RBFOX1: variants seen among roughly 807,000 people sequenced by gnomAD.
The protein encoded by RBFOX1 is RNA binding fox-1 homolog 1.
RBFOX1 carries 8 observed loss-of-function variants against 57.7 expected under a neutral mutation model. The observed-to-expected ratio is 0.14, with a 90% CI of 0.08 to 0.25. The LOEUF is 0.25. Among genes scored for constraint, RBFOX1 ranks in the 10% least tolerant of loss-of-function variants. The pLI, the probability that RBFOX1 is intolerant of heterozygous loss-of-function variation, is 1.00. For missense variants in RBFOX1, 611 were observed against 548.5 expected (o/e 1.11, Z -1.14); for synonymous variants, 326 against 222.4 (o/e 1.47, Z -4.15).
At chr16:7,312,718 G>A (rs762749464) in intron 4 of RBFOX1, among the ~76,000 whole-genome samples, 4 of 152,172 alleles carry the variant, frequency 2.6e-5, no homozygotes, top group Admixed American at 6.5e-5. Context: ...TGTCAGTAGC[G>A]AAGTTATTTA....
chr16:5,774,686 A>G (rs1369283488), intron 3 of RBFOX1, among the ~76,000 whole-genome samples: 5 of 151,958 alleles, frequency 3.3e-5, no homozygotes, highest in Non-Finnish European at 5.9e-5. Flanking sequence ...AGGATTTTTT[A>G]TTGGTTTAGT....
intron 4 of RBFOX1, among the ~76,000 whole-genome samples, chr16:7,313,000 G>A (rs917997552): frequency 2.0e-5 from 3 of 152,088 alleles, no homozygotes; most frequent in Non-Finnish European, 4.4e-5. Context: ...GCTGACACGT[G>A]CATTTTCATG....
chr16:5,910,725 C>T (rs751866674), intron 4 of RBFOX1, among the ~76,000 whole-genome samples: 8 of 152,164 alleles, frequency 5.3e-5, no homozygotes, highest in Admixed American at 1.3e-4. Context: ...GCCCATCAAC[C>T]GAACTTCAAG....
chr16:5,247,270 A>T (rs1295724780), intron 1 of RBFOX1, among the ~76,000 whole-genome samples: 1 of 152,162 alleles, frequency 6.6e-6, no homozygotes, highest in East Asian at 1.9e-4. Context: ...TGGTCTTGCA[A>T]ACTGTGGTTT....
intron 2 of RBFOX1, among the ~76,000 whole-genome samples, chr16:6,489,954 A>T (rs1415129482): frequency 6.6e-6 from 1 of 152,156 alleles, no homozygotes; most frequent in Non-Finnish European, 1.5e-5. Context: ...GGATCTCCTA[A>T]GGTGTCTTCA....
At chr16:7,175,934 C>G (rs1601899369) in intron 4 of RBFOX1, among the ~76,000 whole-genome samples, 1 of 151,986 alleles carries the variant, frequency 6.6e-6, no homozygotes, top group Non-Finnish European at 1.5e-5. Context: ...TCCTCTGCTG[C>G]ACAGACTTTT....
chr16:6,546,083 T>C (rs2096890925), intron 2 of RBFOX1, among the ~76,000 whole-genome samples: 1 of 152,190 alleles, frequency 6.6e-6, no homozygotes. Flanking sequence ...AAAAAGATTA[T>C]AATGTTTTAA....
chr16:7,085,366 A>AT (rs202105008), intron 4 of RBFOX1, among the ~76,000 whole-genome samples: 2,060 of 152,276 alleles, frequency 0.014, 35 homozygotes, highest in African/African-American at 0.047. Context: ...TTCAAAAAAA[A>AT]ATATATATGT....
At chr16:7,351,289 C>G (rs534433188) in intron 4 of RBFOX1, among the ~76,000 whole-genome samples, 1 of 152,208 alleles carries the variant, frequency 6.6e-6, no homozygotes, top group African/African-American at 2.4e-5. Flanking sequence ...GGAAACTTTT[C>G]TATGTCAAAG....
chr16:7,140,953 G>A (rs972952528), intron 4 of RBFOX1, among the ~76,000 whole-genome samples: 3 of 152,152 alleles, frequency 2.0e-5, no homozygotes, highest in Admixed American at 2.0e-4. Flanking sequence ...GCCTAACGTG[G>A]AATTGGGAGA....
At chr16:6,493,641 T>G (rs1451316809) in intron 2 of RBFOX1, among the ~76,000 whole-genome samples, 6 of 152,200 alleles carry the variant, frequency 3.9e-5, no homozygotes, top group Non-Finnish European at 8.8e-5. Flanking sequence ...AAACCCTTTA[T>G]ATAGCCTTTC....
intron 4 of RBFOX1, among the ~76,000 whole-genome samples, chr16:7,458,023 C>T (rs1248885452): frequency 6.6e-6 from 1 of 152,114 alleles, no homozygotes; most frequent in South Asian, 2.1e-4. Context: ...TTGGTATATT[C>T]AGCCTTGCTC....
chr16:5,607,232 C>T (rs1191595511), intron 3 of RBFOX1, among the ~76,000 whole-genome samples: 1 of 152,194 alleles, frequency 6.6e-6, no homozygotes, highest in Middle Eastern at 3.2e-3. Flanking sequence ...GAGATAACGG[C>T]ATTAGGAGCA....
intron 2 of RBFOX1, among the ~76,000 whole-genome samples, chr16:6,444,807 G>A (rs1043663941): frequency 1.3e-5 from 2 of 152,142 alleles, no homozygotes; most frequent in African/African-American, 4.8e-5. Flanking sequence ...TTGTTAGTGG[G>A]TAAAATGCAG....
chr16:5,329,810 T>C (rs112768852), intron 1 of RBFOX1, among the ~76,000 whole-genome samples: 1 of 152,038 alleles, frequency 6.6e-6, no homozygotes, highest in African/African-American at 2.4e-5. Context: ...CCATCCTGGC[T>C]AACATGGTGA....
chr16:5,894,724 G>C (rs1276207303), intron 4 of RBFOX1, among the ~76,000 whole-genome samples: 1 of 151,978 alleles, frequency 6.6e-6, no homozygotes, highest in East Asian at 1.9e-4. Flanking sequence ...AGAAGAAACA[G>C]GAAATTCATC....
chr16:7,639,649 G>A (rs922003471), intron 11 of RBFOX1, among the ~76,000 whole-genome samples: 4 of 152,068 alleles, frequency 2.6e-5, no homozygotes, highest in African/African-American at 9.7e-5. Flanking sequence ...GCTCCTAGGG[G>A]ATATTTGGGA....
chr16:6,470,852 C>T (rs2095158224), intron 2 of RBFOX1, among the ~76,000 whole-genome samples: 1 of 152,080 alleles, frequency 6.6e-6, no homozygotes, highest in South Asian at 2.1e-4. Flanking sequence ...TGAGTCTTGT[C>T]AATTCTATTT....
intron 3 of RBFOX1, among the ~76,000 whole-genome samples, chr16:6,689,491 T>A (rs2059908947): frequency 6.6e-6 from 1 of 152,336 alleles, no homozygotes; most frequent in South Asian, 2.1e-4. Context: ...GCTGAGTAAG[T>A]GTATTTAATG....
Sources: gnomAD v4.1 joint callset for allele counts (sites outside exome capture counted in the v4.1 genomes callset) on GRCh38, gnomAD v4.1.1 for gene constraint, MANE v1.5 for transcripts, NCBI Gene and HGNC (gene_info 2026-07-23, HGNC 2026-07-21) for gene names.